Variants in BRINP1 observed in about 807,000 individuals in gnomAD.
BRINP1 encodes BMP/retinoic acid-inducible neural-specific protein 1.
In BRINP1, 17 loss-of-function variants were observed where a neutral mutation model predicts 72.9. The ratio of observed to expected loss-of-function variants is 0.23; its 90% CI spans 0.16 to 0.35. The LOEUF (loss-of-function observed/expected upper bound fraction) is 0.35, where lower values mean the gene tolerates loss of function less well. Ranked by LOEUF, BRINP1 falls within the 10% of genes least tolerant of loss-of-function variation. The pLI is 1.00. For synonymous variants in BRINP1, 418 were observed against 378.5 expected (o/e 1.10, Z -1.21); for missense variants, 850 against 1,001.6 (o/e 0.85, Z 2.04).
intron 1 of BRINP1, among the ~76,000 whole-genome samples, chr9:119,365,544 G>A (rs545084986): frequency 6.6e-6 from 1 of 152,294 alleles, no homozygotes; most frequent in African/African-American, 2.4e-5. Context: ...ATTGGGAGGG[G>A]AAAAGAGACA....
intron 1 of BRINP1, among the ~76,000 whole-genome samples, chr9:119,317,360 C>T (rs1163860885): frequency 6.6e-6 from 1 of 152,086 alleles, no homozygotes; most frequent in Non-Finnish European, 1.5e-5. Context: ...GTAGATGTGA[C>T]AGAAATAGCA....
At chr9:119,294,523 T>C (rs1830853834) in intron 2 of BRINP1, among the ~76,000 whole-genome samples, 1 of 151,170 alleles carries the variant, frequency 6.6e-6, no homozygotes, top group African/African-American at 2.4e-5. Context: ...TGAAACTTCA[T>C]TTCCAAAACA....
chr9:119,293,319 T>A (rs967658387), intron 2 of BRINP1, among the ~76,000 whole-genome samples: 2 of 152,162 alleles, frequency 1.3e-5, no homozygotes, highest in Non-Finnish European at 2.9e-5. Flanking sequence ...ATATTTCTCA[T>A]TCTCTCTTCT....
chr9:119,340,630 C>G (rs746434730), intron 1 of BRINP1, among the ~76,000 whole-genome samples: 12 of 152,190 alleles, frequency 7.9e-5, no homozygotes, highest in Admixed American at 4.6e-4. Context: ...CTGATACTCT[C>G]CAAACCTCAT....
intron 7 of BRINP1, among the ~76,000 whole-genome samples, chr9:119,196,823 G>A (rs1829743270): frequency 1.3e-5 from 2 of 152,324 alleles, no homozygotes; most frequent in South Asian, 2.1e-4. Context: ...TCCTGTTTCT[G>A]ATTTCTGATT....
intron 7 of BRINP1, among the ~76,000 whole-genome samples, chr9:119,193,578 G>C (rs1829703869): frequency 6.6e-6 from 1 of 152,148 alleles, no homozygotes; most frequent in South Asian, 2.1e-4. Context: ...AAGTAACTAG[G>C]TGAGATGATA....
At chr9:119,333,806 TAAGGA>T (rs1179461747) in intron 1 of BRINP1, among the ~76,000 whole-genome samples, 2 of 152,034 alleles carry the variant, frequency 1.3e-5, no homozygotes, top group Non-Finnish European at 1.5e-5. Flanking sequence ...ATTGGGAGCC[TAAGGA>T]AAGAAAAAAA....
At position 119,325,674 on chromosome 9, in the gene BRINP1, TACC is replaced by T. The variant is rs544756202; in HGVS notation, c.-50-12272_-50-12270del. ...CTGGTCGTCTTGCTTCATGTCTGTCTACCACCTCCATCCTAAGCCCTTGTTGCC... is the reference window on the plus strand; with the variant it reads ...CTGGTCGTCTTGCTTCATGTCTGTCTACCTCCATCCTAAGCCCTTGTTGCC... On this transcript the variant is annotated intron_variant, in intron 1 of 7. Coordinates refer to ENST00000265922, the MANE Select transcript of BRINP1 (RefSeq NM_014618.3). Among the ~76,000 whole-genome samples the T allele has an allele frequency of 1.6e-3, 238 of 152,336 alleles. 2 individuals are homozygous for T. Among genetic ancestry groups the T allele is most frequent in the Admixed American group, 4.8e-3 (74 of 15,302 alleles).
intron 1 of BRINP1, among the ~76,000 whole-genome samples, chr9:119,330,972 A>G (rs1438271786): frequency 6.6e-6 from 1 of 152,146 alleles, no homozygotes; most frequent in Non-Finnish European, 1.5e-5. Context: ...GGCTGCAGCG[A>G]GCCGAGATTG....
rs542479668 is a variant in BRINP1, at chr9:119,368,311, A to C, written c.-51+745T>G. ...CTCCAAATTCCCATCAGAATCTTGG[A>C]GTCTGCCCAGTGTAGAATTTAAAGT... On this transcript the variant is annotated intron_variant, in intron 1 of 7. Transcript: ENST00000265922. This position sits in a 1 kb window ranked among gnomAD's most constrained non-coding sequence, Gnocchi z 4.7. 4.9e-4 allele frequency among the ~76,000 whole-genome samples: 75 copies of C among 152,194 alleles called. No homozygotes were observed. The highest frequency in any genetic ancestry group is 1.8e-3 in the African/African-American group (75 of 41,526).
Position 119,175,700 on chromosome 9 carries a change from G to A in BRINP1, c.1146-7476C>T, listed in dbSNP as rs145463742. Among the ~76,000 whole-genome samples the A allele has an allele frequency of 2.4e-3, 359 of 152,198 alleles. 2 individuals carry two copies. Among genetic ancestry groups the A allele is most frequent in the African/African-American group, 8.2e-3 (340 of 41,516 alleles). On this transcript the variant is annotated intron_variant, in intron 7 of 7. Coordinates refer to ENST00000265922, the MANE Select transcript of BRINP1 (RefSeq NM_014618.3). ...TCTAATGAAGACAGATATTCCATCA[G>A]ATAAGAAGCAGCATCAGAGTAGGAA...
Position 119,215,826 on chromosome 9 carries a change from A to G in BRINP1, c.686-1671T>C, listed in dbSNP as rs1037267441. ...AAAAACCTGGGCATGGCTGCACTGCATGCTGTAGTCAGAAACCTGGGCATG... is the reference window on the plus strand; with the variant it reads ...AAAAACCTGGGCATGGCTGCACTGCGTGCTGTAGTCAGAAACCTGGGCATG... On this transcript the variant is annotated intron_variant, in intron 5 of 7. Transcript: ENST00000265922. Among the ~76,000 whole-genome samples the G allele has an allele frequency of 1.3e-4, 20 of 152,220 alleles. 2 individuals are homozygous for G. The highest frequency in any genetic ancestry group is 4.6e-4 in the Admixed American group (7 of 15,294).
At position 119,238,044 on chromosome 9, in the gene BRINP1, T is replaced by G. The variant is rs149619934; in HGVS notation, c.685+611A>C. Among the ~76,000 whole-genome samples, 195 of 152,318 alleles carry G rather than the reference T, an allele frequency of 1.3e-3. 1 individual carries two copies. The highest frequency in any genetic ancestry group is 6.5e-4 in the Non-Finnish European group (44 of 68,022). On this transcript the variant is annotated intron_variant, in intron 5 of 7. Coordinates refer to ENST00000265922, the MANE Select transcript of BRINP1 (RefSeq NM_014618.3). ...TATTTATTAACATTATATCACATTA[T>G]TTTTACATATTATTGGAAATTCTTT...
chr9:119,248,113 G>T (rs566293949), intron 3 of BRINP1, among the ~76,000 whole-genome samples: 3 of 152,276 alleles, frequency 2.0e-5, no homozygotes, highest in South Asian at 2.1e-4. Context: ...TGAAGGAGAA[G>T]ATCCCCTGTT....
intron 2 of BRINP1, among the ~76,000 whole-genome samples, chr9:119,295,500 CAATGGTAAA>C (rs1276880137): frequency 6.6e-6 from 1 of 152,060 alleles, no homozygotes; most frequent in Non-Finnish European, 1.5e-5. Flanking sequence ...AATTGTAATA[CAATGGTAAA>C]TATTCATGTA....
chr9:119,290,775 T>C (rs547602665), intron 2 of BRINP1, among the ~76,000 whole-genome samples: 1 of 152,160 alleles, frequency 6.6e-6, no homozygotes, highest in African/African-American at 2.4e-5. Flanking sequence ...ACAGTCACAG[T>C]GCATTATTAA....
chr9:119,339,489 A>G (rs772214610), intron 1 of BRINP1, among the ~76,000 whole-genome samples: 3 of 152,258 alleles, frequency 2.0e-5, no homozygotes, highest in Admixed American at 1.3e-4. Flanking sequence ...TATATCATCA[A>G]TTCCTAGAAC....
At chr9:119,358,247 A>C (rs1831590108) in intron 1 of BRINP1, among the ~76,000 whole-genome samples, 1 of 152,188 alleles carries the variant, frequency 6.6e-6, no homozygotes, top group South Asian at 2.1e-4. Flanking sequence ...GCTGTCAATC[A>C]TCTACTTTCC....
intron 1 of BRINP1, among the ~76,000 whole-genome samples, chr9:119,321,180 C>T (rs1327120218): frequency 1.3e-5 from 2 of 152,324 alleles, no homozygotes; most frequent in Non-Finnish European, 2.9e-5. Context: ...ATCCACCCGC[C>T]TCGGCCTCCC....
Sources: gnomAD v4.1 joint callset for allele counts (sites outside exome capture counted in the v4.1 genomes callset) on GRCh38, gnomAD v4.1.1 for gene constraint, Gnocchi (gnomAD v3.1) non-coding constraint, MANE v1.5 for transcripts, NCBI Gene and HGNC (gene_info 2026-07-23, HGNC 2026-07-21) for gene names.